Variants in MTUS2 observed in about 807,000 individuals in gnomAD.
MTUS2 encodes microtubule associated scaffold protein 2.
Under a neutral mutation model 114.1 loss-of-function variants are expected in MTUS2, and 40 were observed. The observed-to-expected ratio is 0.35, with a 90% CI of 0.27 to 0.46. The LOEUF (loss-of-function observed/expected upper bound fraction) is 0.46, where lower values mean the gene tolerates loss of function less well. Ranked by LOEUF, MTUS2 falls within the 20% of genes least tolerant of loss-of-function variation. The probability of loss-of-function intolerance (pLI) is 1.00; values close to 1 mark genes in which losing one functional copy is unlikely to be tolerated. For synonymous variants in MTUS2, 688 were observed against 672.0 expected (o/e 1.02, Z -0.37); for missense variants, 1,679 against 1,705.4 (o/e 0.98, Z 0.27).
intron 6 of MTUS2, among the ~76,000 whole-genome samples, chr13:29,313,235 A>C (rs1168018184): frequency 6.6e-6 from 1 of 152,164 alleles, no homozygotes; most frequent in Non-Finnish European, 1.5e-5. Context: ...TGAATTACGA[A>C]GTTGCAGTGA....
At chr13:29,296,028 T>C (rs1898927101) in intron 6 of MTUS2, among the ~76,000 whole-genome samples, 1 of 152,140 alleles carries the variant, frequency 6.6e-6, no homozygotes, top group Non-Finnish European at 1.5e-5. Context: ...ACATTTTCCT[T>C]ATCTGCTAAA....
chr13:29,287,156 A>T, intron 6 of MTUS2, among the ~76,000 whole-genome samples: 1 of 152,218 alleles, frequency 6.6e-6, no homozygotes, highest in East Asian at 1.9e-4. Flanking sequence ...AAATAAATGG[A>T]TGTTGTATAT....
chr13:29,337,226 T>C lies in MTUS2; in HGVS notation c.2905+12515T>C, dbSNP rs563449031. 7.2e-5 allele frequency among the ~76,000 whole-genome samples: 11 copies of C among 152,000 alleles called. No individual in the cohort carries two copies. In the East Asian group the frequency reaches 1.9e-3, roughly 27 times the overall value. On this transcript the variant is annotated intron_variant, in intron 7 of 15. Transcript: ENST00000612955. ...AAACTCCTGCAACTAGCTCTGTGTC[T>C]ACCCGAATGGCCACCCAGTTTTGTG...
chr13:29,361,023 A>C (rs4441118), intron 8 of MTUS2, among the ~76,000 whole-genome samples: 1 of 152,136 alleles, frequency 6.6e-6, no homozygotes, highest in South Asian at 2.1e-4. Context: ...AGAAGTTGGA[A>C]CTTTTAGGCC....
chr13:29,094,950 T>C (rs1241395350), intron 4 of MTUS2, among the ~76,000 whole-genome samples: 1 of 152,108 alleles, frequency 6.6e-6, no homozygotes, highest in East Asian at 1.9e-4. Context: ...TATTTATGTG[T>C]GTTCATATAT....
At chr13:29,430,192 A>G (rs1164336433) in intron 8 of MTUS2, among the ~76,000 whole-genome samples, 1 of 152,232 alleles carries the variant, frequency 6.6e-6, no homozygotes, top group Non-Finnish European at 1.5e-5. Context: ...AAGATTTGCT[A>G]CATGTAAAAC....
intron 3 of MTUS2, among the ~76,000 whole-genome samples, chr13:29,028,522 C>G (rs1335367407): frequency 6.6e-6 from 1 of 151,794 alleles, no homozygotes; most frequent in Non-Finnish European, 1.5e-5. Context: ...CTTTCTCACT[C>G]TGCTGCTTCA....
At chr13:29,225,361 TC>T (rs1402725490) in intron 5 of MTUS2, among the ~76,000 whole-genome samples, 1 of 152,248 alleles carries the variant, frequency 6.6e-6, no homozygotes, top group Non-Finnish European at 1.5e-5. Flanking sequence ...CAACCCATCC[TC>T]AAATCTGATT....
intron 5 of MTUS2, among the ~76,000 whole-genome samples, chr13:29,182,342 T>A (rs116013199): frequency 2.3e-4 from 35 of 152,372 alleles, no homozygotes; most frequent in African/African-American, 8.2e-4. Flanking sequence ...CACTGATGAC[T>A]GGTGCTTGCA....
intron 6 of MTUS2, among the ~76,000 whole-genome samples, chr13:29,317,986 C>G (rs912043634): frequency 6.6e-6 from 1 of 152,146 alleles, no homozygotes; most frequent in Non-Finnish European, 1.5e-5. Context: ...CTTTGCTTTT[C>G]CCTCTTCTTG....
chr13:29,168,377 T>C (rs937613133), intron 5 of MTUS2, among the ~76,000 whole-genome samples: 7 of 152,204 alleles, frequency 4.6e-5, no homozygotes, highest in African/African-American at 1.4e-4. Flanking sequence ...TAATGTGAGG[T>C]GATGGCTCTG....
chr13:28,881,749 T>A (rs1378048696), intron 2 of MTUS2, among the ~76,000 whole-genome samples: 1 of 152,232 alleles, frequency 6.6e-6, no homozygotes, highest in Admixed American at 6.5e-5. Context: ...CATTTTTTCA[T>A]GTTTGTTTAC....
intron 8 of MTUS2, among the ~76,000 whole-genome samples, chr13:29,367,636 G>C (rs1870827618): frequency 6.6e-6 from 1 of 152,138 alleles, no homozygotes. Flanking sequence ...GGAAAGGAGA[G>C]GGCAGATACA....
intron 8 of MTUS2, among the ~76,000 whole-genome samples, chr13:29,436,049 C>A (rs909693940): frequency 1.6e-4 from 25 of 152,320 alleles, no homozygotes; most frequent in African/African-American, 5.8e-4. Flanking sequence ...CACAGACAGG[C>A]AGTTCAGGCT....
chr13:29,410,587 T>A (rs984694600), intron 8 of MTUS2, among the ~76,000 whole-genome samples: 1 of 152,210 alleles, frequency 6.6e-6, no homozygotes, highest in Non-Finnish European at 1.5e-5. Context: ...TTTTTGATCC[T>A]TGGTTTTGTC....
At chr13:29,155,666 C>G (rs1892828839) in intron 5 of MTUS2, among the ~76,000 whole-genome samples, 1 of 151,936 alleles carries the variant, frequency 6.6e-6, no homozygotes, top group Non-Finnish European at 1.5e-5. Context: ...AGGAAAACAC[C>G]AGAAATTCTG....
intron 4 of MTUS2, among the ~76,000 whole-genome samples, chr13:29,037,416 C>G (rs1367134128): frequency 8.2e-6 from 1 of 121,362 alleles, no homozygotes; most frequent in Non-Finnish European, 1.9e-5. Context: ...GTGGGTAACC[C>G]AACCTTTCTC....
chr13:29,047,674 C>G (rs4769673), intron 4 of MTUS2, among the ~76,000 whole-genome samples: 2 of 152,040 alleles, frequency 1.3e-5, no homozygotes, highest in South Asian at 4.1e-4. Flanking sequence ...CCACCTCGCC[C>G]GGCTAATTTT....
rs572497726 is a variant in MTUS2 at position 29,249,766 on chromosome 13, C to T, written c.2645-31938C>T. 6.6e-5 allele frequency among the ~76,000 whole-genome samples: 10 copies of T among 152,214 alleles called. 1 individual carries two copies. The South Asian group carries it at 1.9e-3, about 28-fold the overall frequency. Reference sequence around the variant, plus strand: ...CCCATTCCGGTAGGTTGCCTGTTCACTCTGATACTAGGATTTCCTATTTAA... The same window carrying T: ...CCCATTCCGGTAGGTTGCCTGTTCATTCTGATACTAGGATTTCCTATTTAA... On this transcript the variant is annotated intron_variant, in intron 5 of 15. Transcript: ENST00000612955.
Sources: gnomAD v4.1 joint callset for allele counts (sites outside exome capture counted in the v4.1 genomes callset) on GRCh38, gnomAD v4.1.1 for gene constraint, MANE v1.5 for transcripts, NCBI Gene and HGNC (gene_info 2026-07-23, HGNC 2026-07-21) for gene names.